The following MSI2 variants were observed in gnomAD, a reference collection of about 807,000 sequenced individuals.
MSI2 encodes the protein RNA-binding protein Musashi homolog 2.
A neutral mutation model predicts 45.6 loss-of-function variants in MSI2; 17 were observed. That is an observed-to-expected ratio of 0.37 (90% confidence interval 0.26 to 0.56). The LOEUF is 0.56. Ranked by LOEUF, MSI2 falls within the 20% of genes least tolerant of loss-of-function variation. MSI2 has a pLI of 0.77. For synonymous variants in MSI2, 156 were observed against 158.2 expected (o/e 0.99, Z 0.11); for missense variants, 293 against 444.2 (o/e 0.66, Z 3.06).
intron 7 of MSI2, among the ~76,000 whole-genome samples, chr17:57,546,819 C>T (rs889058196): frequency 6.6e-6 from 1 of 152,178 alleles, no homozygotes; most frequent in African/African-American, 2.4e-5. Context: ...ATGCTCTTGT[C>T]CCACGGCCAC....
chr17:57,522,043 G>A (rs528500120), intron 6 of MSI2, among the ~76,000 whole-genome samples: 1 of 152,268 alleles, frequency 6.6e-6, no homozygotes, highest in South Asian at 2.1e-4. Flanking sequence ...TGCCTAAGCT[G>A]GCAGGGAGAG....
chr17:57,346,066 A>T (rs1567771170), intron 5 of MSI2, among the ~76,000 whole-genome samples: 1 of 152,104 alleles, frequency 6.6e-6, no homozygotes, highest in African/African-American at 2.4e-5. Context: ...TATCCTGCAA[A>T]TGTTGTTATT....
chr17:57,581,720 C>T (rs1314679995), intron 7 of MSI2, among the ~76,000 whole-genome samples: 1 of 152,178 alleles, frequency 6.6e-6, no homozygotes, highest in South Asian at 2.1e-4. Context: ...CTGTCCCCAC[C>T]CTGCTGAAGA....
At chr17:57,482,624 A>G (rs1169337978) in intron 6 of MSI2, among the ~76,000 whole-genome samples, 1 of 152,120 alleles carries the variant, frequency 6.6e-6, no homozygotes, top group Non-Finnish European at 1.5e-5. Context: ...CTTTATCTCT[A>G]GGGTCTCAGC....
chr17:57,537,704 G>A lies in MSI2; in HGVS notation c.454+7980G>A, dbSNP rs553907953. On this transcript the variant is annotated intron_variant, in intron 7 of 13. Coordinates refer to ENST00000284073, the MANE Select transcript of MSI2 (RefSeq NM_138962.4). ...CGCCCATTCCGGCGCTGTCTCTTGA[G>A]ATATTAATCAACACAGTAGCTTGGT... is the stretch of plus-strand genomic sequence containing the variant. 2.6e-5 allele frequency among the ~76,000 whole-genome samples: 4 copies of A among 152,248 alleles called. No individual in the cohort carries two copies. In the East Asian group the frequency reaches 7.7e-4, roughly 29 times the overall value.
Position 57,632,890 on chromosome 17 carries a change from A to T in MSI2, c.727+5587A>T, listed in dbSNP as rs151207956. 7.9e-5 allele frequency: 84 copies of T among 1,061,912 alleles called. No individual in the cohort carries two copies. In the African/African-American group the frequency reaches 1.2e-3, roughly 15 times the overall value. The allele number at this position is 1,061,912 out of a possible 1,614,324, so 65.8% of individuals were successfully genotyped here. ...TGCAGTTTGGCTCATCTCATTAAAGATGCTTGATGTAATAATTGGTTAGTT... is the reference window on the plus strand; with the variant it reads ...TGCAGTTTGGCTCATCTCATTAAAGTTGCTTGATGTAATAATTGGTTAGTT... On this transcript the variant is annotated intron_variant, in intron 10 of 13. Coordinates refer to ENST00000284073, the MANE Select transcript of MSI2 (RefSeq NM_138962.4).
At chr17:57,415,724 C>G (rs1439249634) in intron 6 of MSI2, among the ~76,000 whole-genome samples, 1 of 152,010 alleles carries the variant, frequency 6.6e-6, no homozygotes, top group Non-Finnish European at 1.5e-5. Flanking sequence ...CTCTGATAAA[C>G]TCCCTCCCTT....
chr17:57,339,842 G>A (rs1383352601), intron 5 of MSI2, among the ~76,000 whole-genome samples: 4 of 152,130 alleles, frequency 2.6e-5, no homozygotes, highest in Non-Finnish European at 5.9e-5. Flanking sequence ...TGTGCTTAGG[G>A]TGTATTCTGG....
At chr17:57,326,232 A>G (rs569800829) in intron 5 of MSI2, among the ~76,000 whole-genome samples, 1 of 152,038 alleles carries the variant, frequency 6.6e-6, no homozygotes, top group South Asian at 2.1e-4. Flanking sequence ...TCATCTGGCT[A>G]CAAAATCTGA....
At chr17:57,548,141 C>G (rs1303834464) in intron 7 of MSI2, among the ~76,000 whole-genome samples, 1 of 152,134 alleles carries the variant, frequency 6.6e-6, no homozygotes, top group Non-Finnish European at 1.5e-5. Context: ...TTTGGGCTCA[C>G]TGTGAATGTC....
chr17:57,411,605 A>C (rs575536954), intron 6 of MSI2, among the ~76,000 whole-genome samples: 9 of 152,288 alleles, frequency 5.9e-5, no homozygotes, highest in Non-Finnish European at 1.0e-4. Context: ...CAAGGTTCAA[A>C]TCTAGACTTC....
At chr17:57,258,660 G>T (rs1188844166) in intron 4 of MSI2, among the ~76,000 whole-genome samples, 2 of 152,212 alleles carry the variant, frequency 1.3e-5, no homozygotes, top group Non-Finnish European at 2.9e-5. Context: ...GAGAGCAAAT[G>T]CAACTTTTCT....
chr17:57,350,499 T>G (rs932907251), intron 5 of MSI2, among the ~76,000 whole-genome samples: 1 of 152,170 alleles, frequency 6.6e-6, no homozygotes. Flanking sequence ...AAAGTCCAAG[T>G]GCTGTTGCAT....
intron 10 of MSI2, among the ~76,000 whole-genome samples, chr17:57,642,762 G>A (rs1361826489): frequency 6.6e-6 from 1 of 152,206 alleles, no homozygotes; most frequent in Non-Finnish European, 1.5e-5. Context: ...GTATTTACTG[G>A]GAGGGCACAG....
intron 7 of MSI2, among the ~76,000 whole-genome samples, chr17:57,537,059 C>G (rs1192551694): frequency 1.3e-5 from 2 of 152,146 alleles, no homozygotes; most frequent in Non-Finnish European, 2.9e-5. Flanking sequence ...TTCATTGCAG[C>G]CTTTGGGTAC....
chr17:57,627,089 A>G lies in MSI2; in HGVS notation c.653-140A>G. 2 of 786,240 alleles carry G rather than the reference A, an allele frequency of 2.5e-6. No homozygotes were observed. Among genetic ancestry groups the G allele is most frequent in the Non-Finnish European group, 4.3e-6 (2 of 465,838 alleles). The allele number at this position is 786,240 out of a possible 1,614,324, so 48.7% of individuals were successfully genotyped here. On this transcript the variant is annotated intron_variant, in intron 9 of 13. Coordinates refer to ENST00000284073, the MANE Select transcript of MSI2 (RefSeq NM_138962.4). The surrounding 1 kb of genome is among the most constrained non-coding windows in gnomAD (Gnocchi z 4.6). ...GAGAGAGGTGACCCAGACCCTTAAT[A>G]AAAAAACCCTCATGAGAGACAAATT...
intron 5 of MSI2, among the ~76,000 whole-genome samples, chr17:57,345,980 A>G (rs1029444543): frequency 1.3e-5 from 2 of 152,078 alleles, no homozygotes; most frequent in African/African-American, 4.8e-5. Flanking sequence ...TTTGAAATGT[A>G]TCAATAGGTA....
intron 1 of MSI2, 95 bp downstream of exon 1, chr17:57,256,899 C>A (rs1598032248): frequency 2.5e-5 from 15 of 607,758 alleles, no homozygotes; most frequent in Middle Eastern, 5.2e-4. Context: ...TCTCCCGCGC[C>A]CCCCCGCCTC....
At chr17:57,315,580 TG>T (rs1223570545) in intron 5 of MSI2, among the ~76,000 whole-genome samples, 1 of 152,146 alleles carries the variant, frequency 6.6e-6, no homozygotes, top group East Asian at 1.9e-4. Context: ...GGATGCTTTT[TG>T]TGGCTGTTGC....
Sources: gnomAD v4.1 joint callset for allele counts (sites outside exome capture counted in the v4.1 genomes callset) on GRCh38, gnomAD v4.1.1 for gene constraint, Gnocchi (gnomAD v3.1) non-coding constraint, MANE v1.5 for transcripts, NCBI Gene and HGNC (gene_info 2026-07-23, HGNC 2026-07-21) for gene names.